Variants in SEC14L5 observed in about 807,000 individuals in gnomAD.
SEC14L5 encodes the protein SEC14-like protein 5.
In SEC14L5, 96 loss-of-function variants were observed where a neutral mutation model predicts 84.6. That is an observed-to-expected ratio of 1.13 (90% CI 0.96 to 1.34). The LOEUF (loss-of-function observed/expected upper bound fraction) is 1.34, where lower values mean the gene tolerates loss of function less well. Ranked by LOEUF, SEC14L5 falls within the 40% of genes most tolerant of loss-of-function variation. The probability of loss-of-function intolerance (pLI) is 0.00; values close to 1 mark genes in which losing one functional copy is unlikely to be tolerated. For synonymous variants in SEC14L5, 546 were observed against 383.4 expected (o/e 1.42, Z -4.95); for missense variants, 1,224 against 942.5 (o/e 1.30, Z -3.91).
intron 8 of SEC14L5, 77 bp downstream of exon 8, chr16:4,997,121 T>TG: frequency 9.3e-7 from 1 of 1,077,858 alleles, no homozygotes; most frequent in Non-Finnish European, 1.3e-6. Flanking sequence ...TATTTTGAGA[T>TG]GGGGTCTCAC....
chr16:4,991,801 C>G (rs752910954), intron 5 of SEC14L5, 37 bp from the exon 6 acceptor site: 2 of 1,479,692 alleles, frequency 1.4e-6, no homozygotes, highest in East Asian at 4.7e-5. Flanking sequence ...TCCATCCTGC[C>G]CCGTGCTCAT....
intron 2 of SEC14L5, among the ~76,000 whole-genome samples, chr16:4,987,348 A>T (rs574716390): frequency 4.6e-5 from 7 of 152,170 alleles, no homozygotes; most frequent in Non-Finnish European, 1.0e-4. Context: ...TATGTGCCAA[A>T]TCATTGTCCA....
At chr16:4,990,018 T>A (rs1955535772) in intron 4 of SEC14L5, among the ~76,000 whole-genome samples, 1 of 151,938 alleles carries the variant, frequency 6.6e-6, no homozygotes, top group Non-Finnish European at 1.5e-5. Context: ...TGTTTATTGA[T>A]ATATAAGGAT....
intron 2 of SEC14L5, among the ~76,000 whole-genome samples, chr16:4,984,240 C>G (rs572783990): frequency 3.5e-4 from 53 of 152,298 alleles, no homozygotes; most frequent in Non-Finnish European, 6.6e-4. Context: ...CTTTCTGTCT[C>G]TCTCTATTTG....
chr16:4,989,711 G>C (rs998943040), intron 4 of SEC14L5, among the ~76,000 whole-genome samples: 3 of 152,180 alleles, frequency 2.0e-5, no homozygotes, highest in African/African-American at 7.2e-5. Context: ...GGCTCAGGGT[G>C]TTCAGATCTT....
In SEC14L5 at chr16:5,003,982, G is replaced by A. The variant is rs1432106345; in HGVS notation, c.1302+409G>A. 6.6e-5 allele frequency among the ~76,000 whole-genome samples: 10 copies of A among 152,336 alleles called. No individual in the cohort carries two copies. The East Asian group carries it at 1.5e-3, about 24-fold the overall frequency. Reference sequence around the variant, plus strand: ...TACACGCGTGCATGCACCCATGTGCGCGCACACATACACCCACGCCCACAC... The same window carrying A: ...TACACGCGTGCATGCACCCATGTGCACGCACACATACACCCACGCCCACAC... On this transcript the variant is annotated intron_variant, in intron 11 of 15. Coordinates refer to ENST00000251170, the MANE Select transcript of SEC14L5 (RefSeq NM_014692.2).
intron 13 of SEC14L5, 64 bp downstream of exon 13, chr16:5,007,550 C>T: frequency 2.9e-6 from 4 of 1,368,248 alleles, no homozygotes; most frequent in Non-Finnish European, 4.1e-6. Flanking sequence ...GGTCAGGTGA[C>T]CCCAAAACAC....
At chr16:4,987,454 C>T in intron 2 of SEC14L5, 103 bp from the exon 3 acceptor site, 2 of 1,031,140 alleles carry the variant, frequency 1.9e-6, no homozygotes, top group Non-Finnish European at 2.7e-6. Flanking sequence ...CCAGGGCTGC[C>T]TTTCCCGTCT....
intron 2 of SEC14L5, among the ~76,000 whole-genome samples, chr16:4,961,124 T>A (rs1955115757): frequency 6.6e-6 from 1 of 151,886 alleles, no homozygotes; most frequent in South Asian, 2.1e-4. Flanking sequence ...ACAAGAAAAA[T>A]TAGCCGGGCG....
chr16:5,014,921 C>G lies in SEC14L5; in HGVS notation c.2042C>G (p.Ser681Trp), dbSNP rs770543968. The G allele has an allele frequency of 1.5e-5, 25 of 1,613,030 alleles. No individual in the cohort carries two copies. The highest frequency in any genetic ancestry group is 2.1e-5 in the Non-Finnish European group (25 of 1,179,866). ...SGFSQLSAAT[S>W]SSSSGQSHSS... is the part of the protein sequence containing the mutation. Reference sequence around the variant, plus strand: ...TTCTCCCAGCTCAGCGCCGCCACCTCGTCCTCCTCCTCCGGCCAGTCTCAT... The same window carrying G: ...TTCTCCCAGCTCAGCGCCGCCACCTGGTCCTCCTCCTCCGGCCAGTCTCAT... The change falls in exon 16 of 16, where the codon TCG (serine) becomes TGG (tryptophan). Residue 681 changes from serine to tryptophan, a missense_variant. By Grantham distance (177) the Ser-to-Trp change is radical. Coordinates refer to ENST00000251170, the MANE Select transcript of SEC14L5 (RefSeq NM_014692.2).
intron 14 of SEC14L5, among the ~76,000 whole-genome samples, chr16:5,009,515 G>T (rs1400039676): frequency 6.6e-6 from 1 of 151,978 alleles, no homozygotes; most frequent in Non-Finnish European, 1.5e-5. Context: ...GTAGAGATGG[G>T]GTCTTGCTAT....
Position 5,003,469 on chromosome 16 carries a change from G to T in SEC14L5, c.1198G>T (p.Ala400Ser), listed in dbSNP as rs779160005. 7 of 1,613,180 alleles carry T rather than the reference G, an allele frequency of 4.3e-6. No homozygotes were observed. The Admixed American group carries it at 1.2e-4, about 27-fold the overall frequency. Residue 400 changes from alanine (A) to serine (S), a missense_variant, in exon 11 of 16, where the codon GCC (alanine) becomes TCC (serine). Ala to Ser is a moderately conservative substitution (Grantham distance 99). Coordinates refer to ENST00000251170, the MANE Select transcript of SEC14L5 (RefSeq NM_014692.2). Reference sequence around the variant, plus strand: ...GCACCTGTGGCGGCCGGGGGTGAAGGCCCTGCTGCGGATGATTGAGGTGGT... The same window carrying T: ...GCACCTGTGGCGGCCGGGGGTGAAGTCCCTGCTGCGGATGATTGAGGTGGT... ...MRHLWRPGVK[A>S]LLRMIEVVED...
chr16:4,990,068 C>G (rs970760602), intron 4 of SEC14L5, among the ~76,000 whole-genome samples: 1 of 151,254 alleles, frequency 6.6e-6, no homozygotes, highest in Non-Finnish European at 1.5e-5. Flanking sequence ...TAATATACAA[C>G]TATTTAAAAA....
intron 15 of SEC14L5, among the ~76,000 whole-genome samples, chr16:5,011,690 T>A (rs1765625987): frequency 6.6e-6 from 1 of 151,688 alleles, no homozygotes; most frequent in Admixed American, 6.6e-5. Flanking sequence ...ACTGTAATGG[T>A]TAAGACCTCC....
At chr16:4,971,269 G>A (rs539951831) in intron 2 of SEC14L5, among the ~76,000 whole-genome samples, 2 of 152,154 alleles carry the variant, frequency 1.3e-5, no homozygotes, top group South Asian at 4.2e-4. Context: ...GACCAGCCTC[G>A]GCAACACAGT....
At chr16:4,965,644 G>C (rs1357467215) in intron 2 of SEC14L5, among the ~76,000 whole-genome samples, 2 of 63,168 alleles carry the variant, frequency 3.2e-5, no homozygotes, top group African/African-American at 1.2e-4. Flanking sequence ...CTGGGCAAAA[G>C]AGCAAGACTC....
At chr16:4,985,456 G>C (rs1359184682) in intron 2 of SEC14L5, among the ~76,000 whole-genome samples, 1 of 152,138 alleles carries the variant, frequency 6.6e-6, no homozygotes, top group Non-Finnish European at 1.5e-5. Context: ...TCTAGCTCCT[G>C]ACCTTCGGTG....
In SEC14L5 at chr16:5,008,465, C is replaced by G; in HGVS notation, c.1617C>G (p.Asp539Glu). The G allele has an allele frequency of 6.2e-7, 1 of 1,613,624 alleles. No individual in the cohort carries two copies. Among genetic ancestry groups the G allele is most frequent in the Non-Finnish European group, 8.5e-7 (1 of 1,179,812 alleles). ...ILEGESVITWDFDILRGDVVF... is the reference protein window; with the variant it reads ...ILEGESVITWEFDILRGDVVF... ...AAGGAGAGTCGGTCATCACCTGGGA[C>G]TTTGACATCCTGCGAGGGGACGTGG... Residue 539 changes from aspartate to glutamate, a missense_variant, in exon 14 of 16, where the codon GAC becomes GAG. Coordinates refer to ENST00000251170, the MANE Select transcript of SEC14L5 (RefSeq NM_014692.2).
At chr16:4,965,679 A>G (rs1955192600) in intron 2 of SEC14L5, among the ~76,000 whole-genome samples, 1 of 151,114 alleles carries the variant, frequency 6.6e-6, no homozygotes, top group South Asian at 2.1e-4. Flanking sequence ...AAAAAAAAAA[A>G]AAAAAAAAAA....
Sources: allele counts gnomAD v4.1 joint callset (sites outside exome capture counted in the v4.1 genomes callset), GRCh38; gene constraint gnomAD v4.1.1; transcripts MANE v1.5; gene names NCBI Gene and HGNC (gene_info 2026-07-23, HGNC 2026-07-21).